The following MCTP1 variants were observed in gnomAD, a reference collection of about 807,000 sequenced individuals.
MCTP1 encodes multiple C2 and transmembrane domain-containing protein 1.
MCTP1 carries 69 observed loss-of-function variants against 120.6 expected under a neutral mutation model. The observed-to-expected ratio is 0.57, with a 90% CI of 0.47 to 0.70. The LOEUF (loss-of-function observed/expected upper bound fraction) is 0.70. Ranked by LOEUF, MCTP1 falls within the 30% of genes least tolerant of loss-of-function variation. MCTP1 has a pLI of 0.00. For synonymous variants in MCTP1, 529 were observed against 493.1 expected (o/e 1.07, Z -0.96); for missense variants, 1,203 against 1,248.8 (o/e 0.96, Z 0.55).
chr5:95,125,715 A>G lies in MCTP1; in HGVS notation c.721-108231T>C, dbSNP rs982694615. 2.0e-5 allele frequency among the ~76,000 whole-genome samples: 3 copies of G among 152,224 alleles called. No individual in the cohort carries two copies. The South Asian group carries it at 6.2e-4, about 32-fold the overall frequency. On this transcript the variant is annotated intron_variant, in intron 1 of 22. Transcript: ENST00000515393. ...GTGCCTTATTGACTGGTGTATTCCA[A>G]GGGTTTGAAATAGTACTTGGAACAC...
intron 19 of MCTP1, among the ~76,000 whole-genome samples, chr5:94,730,269 C>T (rs1020625888): frequency 5.3e-5 from 8 of 152,340 alleles, no homozygotes; most frequent in Non-Finnish European, 1.0e-4. Context: ...AAGCAATCCT[C>T]CCACCTCAGC....
intron 1 of MCTP1, among the ~76,000 whole-genome samples, chr5:95,210,951 T>A (rs1391111038): frequency 2.6e-5 from 4 of 151,940 alleles, no homozygotes; most frequent in African/African-American, 9.7e-5. Flanking sequence ...TTTGGCTGGA[T>A]ATGAAATTCT....
chr5:95,174,368 C>T (rs1747724461), intron 1 of MCTP1, among the ~76,000 whole-genome samples: 2 of 151,882 alleles, frequency 1.3e-5, no homozygotes, highest in Non-Finnish European at 2.9e-5. Flanking sequence ...AGATACTAAA[C>T]CCAAGAACCA....
At chr5:94,784,527 C>G (rs1237415991) in intron 18 of MCTP1, among the ~76,000 whole-genome samples, 1 of 151,972 alleles carries the variant, frequency 6.6e-6, no homozygotes, top group Non-Finnish European at 1.5e-5. Flanking sequence ...GAAACTTTTG[C>G]AAACTGGTAT....
At chr5:95,216,141 A>G (rs1365642038) in intron 1 of MCTP1, among the ~76,000 whole-genome samples, 3 of 152,192 alleles carry the variant, frequency 2.0e-5, no homozygotes, top group Non-Finnish European at 2.9e-5. Context: ...ATGGTACTCT[A>G]AGAGGGACTA....
intron 19 of MCTP1, among the ~76,000 whole-genome samples, chr5:94,763,974 C>T (rs1771946883): frequency 6.6e-6 from 1 of 152,086 alleles, no homozygotes; most frequent in Admixed American, 6.5e-5. Context: ...ACAAAGACCC[C>T]CAAAATCATA....
intron 19 of MCTP1, among the ~76,000 whole-genome samples, chr5:94,766,515 C>T (rs2152877615): frequency 6.6e-6 from 1 of 152,086 alleles, no homozygotes; most frequent in East Asian, 1.9e-4. Context: ...CACACCAGGG[C>T]CTGTCATGGG....
At chr5:95,032,698 A>G (rs1318025054) in intron 1 of MCTP1, among the ~76,000 whole-genome samples, 1 of 152,108 alleles carries the variant, frequency 6.6e-6, no homozygotes, top group Non-Finnish European at 1.5e-5. Context: ...AGAACAAACC[A>G]AACCTAAAGT....
intron 17 of MCTP1, among the ~76,000 whole-genome samples, chr5:94,838,469 T>C (rs749376222): frequency 6.6e-6 from 1 of 151,918 alleles, no homozygotes; most frequent in Admixed American, 6.5e-5. Context: ...TACCTTCCTC[T>C]TGGATCTCCG....
intron 2 of MCTP1, among the ~76,000 whole-genome samples, chr5:94,983,243 T>G (rs1581693157): frequency 6.6e-6 from 1 of 152,142 alleles, no homozygotes; most frequent in East Asian, 1.9e-4. Flanking sequence ...TTGTAATACT[T>G]AAGCAGAGAA....
At chr5:95,201,098 G>A (rs1395354934) in intron 1 of MCTP1, among the ~76,000 whole-genome samples, 2 of 152,178 alleles carry the variant, frequency 1.3e-5, no homozygotes, top group Non-Finnish European at 2.9e-5. Context: ...CTGGGACTGA[G>A]GAAATTGTAT....
At chr5:94,819,382 C>T (rs1232004000) in intron 17 of MCTP1, among the ~76,000 whole-genome samples, 5 of 152,050 alleles carry the variant, frequency 3.3e-5, no homozygotes, top group South Asian at 2.1e-4. Context: ...CCGATTGCCT[C>T]GGCCTCTCAA....
chr5:94,764,097 A>G lies in MCTP1; in HGVS notation c.2610+15013T>C, dbSNP rs546479118. Among the ~76,000 whole-genome samples, 5 of 152,322 alleles carry G rather than the reference A, an allele frequency of 3.3e-5. No homozygotes were observed. The South Asian group carries it at 1.0e-3, about 32-fold the overall frequency. ...CTAAAGGAGTAGCTTCTCTGTGGAT[A>G]GTGCCAGCCTTGTTGCAGAAGGAAA... On this transcript the variant is annotated intron_variant, in intron 19 of 22. Transcript: ENST00000515393.
chr5:94,736,505 G>T (rs1178224797), intron 19 of MCTP1, among the ~76,000 whole-genome samples: 3 of 152,098 alleles, frequency 2.0e-5, no homozygotes, highest in Non-Finnish European at 4.4e-5. Flanking sequence ...TTTTGGGGGG[G>T]ATCCTTTTGT....
In MCTP1 at chr5:95,138,975, C is replaced by T. The variant is rs180925778; in HGVS notation, c.721-121491G>A. On this transcript the variant is annotated intron_variant, in intron 1 of 22. Coordinates refer to ENST00000515393, the MANE Select transcript of MCTP1 (RefSeq NM_024717.7). ...TATCTGTATATTATACACACATACACACACACATTATAAGGTTGTCAGTGT... is the reference window on the plus strand; with the variant it reads ...TATCTGTATATTATACACACATACATACACACATTATAAGGTTGTCAGTGT... 4.0e-3 allele frequency among the ~76,000 whole-genome samples: 603 copies of T among 152,272 alleles called. 3 individuals are homozygous for T. Among genetic ancestry groups the T allele is most frequent in the African/African-American group, 0.014 (575 of 41,532 alleles).
chr5:95,080,474 A>T (rs534850584), intron 1 of MCTP1, among the ~76,000 whole-genome samples: 17 of 152,220 alleles, frequency 1.1e-4, no homozygotes, highest in Admixed American at 6.5e-5. Context: ...AGTATTCATA[A>T]TGCCAACCGT....
intron 1 of MCTP1, among the ~76,000 whole-genome samples, chr5:95,265,088 T>A (rs1446684051): frequency 2.0e-5 from 3 of 152,102 alleles, no homozygotes; most frequent in African/African-American, 7.2e-5. Context: ...CTATTAGACA[T>A]CTCCGTTCCT....
chr5:94,909,997 G>A (rs890017927), intron 9 of MCTP1, among the ~76,000 whole-genome samples: 1 of 151,844 alleles, frequency 6.6e-6, no homozygotes, highest in Non-Finnish European at 1.5e-5. Flanking sequence ...ACACACCTAC[G>A]GTCAGTATGT....
chr5:94,769,658 C>T lies in MCTP1; in HGVS notation c.2610+9452G>A, dbSNP rs576049552. ...AAAATTGAAGGAATACCTCAGACTG[C>T]CTACTCTAAAAATTTATTAGACTTT... is the stretch of plus-strand genomic sequence containing the variant. On this transcript the variant is annotated intron_variant, in intron 19 of 22. Transcript: ENST00000515393. 3.3e-3 allele frequency among the ~76,000 whole-genome samples: 502 copies of T among 152,156 alleles called. 2 individuals are homozygous for T. Among genetic ancestry groups the T allele is most frequent in the Non-Finnish European group, 5.2e-3 (354 of 67,996 alleles).
Sources: gnomAD v4.1 joint callset for allele counts (sites outside exome capture counted in the v4.1 genomes callset) on GRCh38, gnomAD v4.1.1 for gene constraint, MANE v1.5 for transcripts, NCBI Gene and HGNC (gene_info 2026-07-23, HGNC 2026-07-21) for gene names.